The following CNBD2 variants were observed in gnomAD, a reference collection of about 807,000 sequenced individuals.
CNBD2 encodes the protein cyclic nucleotide binding domain containing 2, also known as cyclic nucleotide-binding domain-containing protein 2.
In CNBD2, 64 loss-of-function variants were observed where a neutral mutation model predicts 63.7. The ratio of observed to expected loss-of-function variants is 1.00; its 90% CI spans 0.82 to 1.24. The LOEUF is 1.24. CNBD2 is among the 50% of genes most tolerant of loss of function. CNBD2 has a pLI of 0.00. For missense variants in CNBD2, 691 were observed against 713.5 expected, an observed-to-expected ratio of 0.97 and a Z score of 0.36; for synonymous variants, 229 against 255.4, an observed-to-expected ratio of 0.90 and a Z score of 0.99.
intron 3 of CNBD2, 35 bp from the exon 4 acceptor site, chr20:35,980,423 TG>T: frequency 6.2e-7 from 1 of 1,609,778 alleles, no homozygotes; most frequent in South Asian, 1.1e-5. Flanking sequence ...GTGAAATTGC[TG>T]GGTCCCCTGT....
upstream of CNBD2, among the ~76,000 whole-genome samples, chr20:35,968,224 A>C (rs937711227): frequency 2.6e-5 from 4 of 152,150 alleles, no homozygotes; most frequent in Non-Finnish European, 4.4e-5. Flanking sequence ...GGGTTTTTAG[A>C]GTTTTCTAGG....
intron 11 of CNBD2, among the ~76,000 whole-genome samples, chr20:36,026,047 T>C (rs1310353294): frequency 6.6e-6 from 1 of 152,078 alleles, no homozygotes; most frequent in African/African-American, 2.4e-5. Context: ...TGTGTGTGTG[T>C]GTGAGAGATG....
intron 2 of CNBD2, among the ~76,000 whole-genome samples, chr20:35,961,222 C>T (rs1275953436): frequency 3.9e-5 from 6 of 152,196 alleles, no homozygotes; most frequent in African/African-American, 7.2e-5. Flanking sequence ...TGAGCCACCA[C>T]GCCCGGCCTC....
intron 7 of CNBD2, among the ~76,000 whole-genome samples, chr20:35,990,227 C>A (rs531485438): frequency 6.6e-6 from 1 of 152,238 alleles, no homozygotes; most frequent in Non-Finnish European, 1.5e-5. Context: ...TGCTGATTGT[C>A]TTAGGAAAGT....
intron 11 of CNBD2, among the ~76,000 whole-genome samples, chr20:36,026,816 T>C (rs908471297): frequency 6.6e-6 from 1 of 152,258 alleles, no homozygotes; most frequent in Non-Finnish European, 1.5e-5. Context: ...TAATATTCTC[T>C]ACACAGCTCT....
At chr20:35,999,921 C>CA (rs1391907288) in intron 8 of CNBD2, among the ~76,000 whole-genome samples, 2 of 152,136 alleles carry the variant, frequency 1.3e-5, no homozygotes, top group African/African-American at 4.8e-5. Flanking sequence ...TCAGGAAATC[C>CA]ACCTGCCTCA....
rs370382195 is a variant in CNBD2 at position 35,997,517 on chromosome 20, C to A, written c.970+2365C>A. Reference sequence around the variant, plus strand: ...GTTAGCAGCATAGGCTTGGAGTCCACTGCTTCTGTTTGAATACAGGGTCCT... The same window carrying A: ...GTTAGCAGCATAGGCTTGGAGTCCAATGCTTCTGTTTGAATACAGGGTCCT... On this transcript the variant is annotated intron_variant, in intron 8 of 11. Transcript: ENST00000373973. Among the ~76,000 whole-genome samples, 291 of 152,332 alleles carry A rather than the reference C, an allele frequency of 1.9e-3. 1 individual carries two copies. The highest frequency in any genetic ancestry group is 3.6e-3 in the Non-Finnish European group (242 of 68,020).
chr20:36,021,364 T>C (rs2057205264), intron 10 of CNBD2, among the ~76,000 whole-genome samples: 1 of 152,116 alleles, frequency 6.6e-6, no homozygotes, highest in Admixed American at 6.5e-5. Flanking sequence ...CTGGATCTCA[T>C]GAAGATAGGG....
chr20:35,956,856 C>T (rs941005725), downstream of CNBD2, among the ~76,000 whole-genome samples: 5 of 152,178 alleles, frequency 3.3e-5, no homozygotes, highest in Admixed American at 2.6e-4. Context: ...GTAGAAGGTA[C>T]TGCCTGTACA....
At chr20:36,007,902 A>C (rs889501017) in intron 8 of CNBD2, among the ~76,000 whole-genome samples, 3 of 152,070 alleles carry the variant, frequency 2.0e-5, no homozygotes, top group African/African-American at 7.2e-5. Flanking sequence ...TCATCCATTT[A>C]TCTCTTATTG....
At chr20:35,958,790 A>G (rs954558610), downstream of CNBD2, 8 of 152,092 alleles carry the variant, frequency 5.3e-5, no homozygotes, top group Admixed American at 1.3e-4. Context: ...CCCTTCCCCT[A>G]TCCCTAACCA....
intron 6 of CNBD2, among the ~76,000 whole-genome samples, chr20:35,985,571 C>T (rs769316204): frequency 9.2e-5 from 14 of 151,714 alleles, no homozygotes; most frequent in East Asian, 1.9e-4. Flanking sequence ...CTGCAACCTC[C>T]GCCTCCTGGG....
intron 11 of CNBD2, among the ~76,000 whole-genome samples, chr20:36,029,262 G>C (rs1418680358): frequency 6.6e-6 from 1 of 152,198 alleles, no homozygotes; most frequent in African/African-American, 2.4e-5. Flanking sequence ...CTATGTTTCT[G>C]AAATGGAGTG....
upstream of CNBD2, among the ~76,000 whole-genome samples, chr20:35,964,440 G>T (rs545933999): frequency 1.3e-5 from 2 of 152,078 alleles, no homozygotes; most frequent in Non-Finnish European, 2.9e-5. Context: ...ACCCAGGCTG[G>T]AATGCAGTGG....
chr20:36,020,334 G>A (rs1217253951), intron 10 of CNBD2, among the ~76,000 whole-genome samples: 1 of 152,070 alleles, frequency 6.6e-6, no homozygotes, highest in Non-Finnish European at 1.5e-5. Flanking sequence ...GCCCACCTCG[G>A]CCTCCCAAAG....
At chr20:35,981,472 G>T (rs373804784) in intron 4 of CNBD2, among the ~76,000 whole-genome samples, 4 of 151,974 alleles carry the variant, frequency 2.6e-5, no homozygotes, top group African/African-American at 9.7e-5. Context: ...GTCTCGTCCT[G>T]TCAACCAGGC....
At chr20:36,015,816 T>A (rs2057125290) in intron 10 of CNBD2, among the ~76,000 whole-genome samples, 1 of 152,108 alleles carries the variant, frequency 6.6e-6, no homozygotes, top group Non-Finnish European at 1.5e-5. Flanking sequence ...AAGAGACAAA[T>A]CTCCCTGCAG....
downstream of CNBD2, chr20:35,959,330 T>C (rs539995112): frequency 1.1e-4 from 16 of 151,444 alleles, no homozygotes; most frequent in Admixed American, 6.6e-4. Flanking sequence ...TTATTATTAG[T>C]GTATTAGTCT....
At chr20:35,964,536 G>A (rs540380084), upstream of CNBD2, among the ~76,000 whole-genome samples, 8 of 136,866 alleles carry the variant, frequency 5.8e-5, no homozygotes, top group East Asian at 1.7e-3. Context: ...GACTACAGGC[G>A]CCTGCCACCA....
Sources: allele counts gnomAD v4.1 joint callset (sites outside exome capture counted in the v4.1 genomes callset), GRCh38; gene constraint gnomAD v4.1.1; transcripts MANE v1.5; gene names NCBI Gene and HGNC (gene_info 2026-07-23, HGNC 2026-07-21).